The following TMEM41B variants were observed in gnomAD, a reference collection of about 807,000 sequenced individuals.
The protein encoded by TMEM41B is protein stasimon.
Under a neutral mutation model 31.9 loss-of-function variants are expected in TMEM41B, and 18 were observed. The ratio of observed to expected loss-of-function variants is 0.56; its 90% CI spans 0.39 to 0.84. The LOEUF is 0.84. Among genes scored for constraint, TMEM41B ranks in the 40% least tolerant of loss-of-function variants. The pLI, the probability that TMEM41B is intolerant of heterozygous loss-of-function variation, is 0.00. For synonymous variants in TMEM41B, 144 were observed against 124.3 expected (o/e 1.16, Z -1.05); for missense variants, 322 against 348.0 (o/e 0.93, Z 0.59).
intron 1 of TMEM41B, among the ~76,000 whole-genome samples, chr11:9,305,502 A>T (rs538738871): frequency 2.0e-5 from 3 of 152,296 alleles, no homozygotes; most frequent in African/African-American, 7.2e-5. Flanking sequence ...GGGGAGGCTA[A>T]GGCACAAGAA....
At chr11:9,313,155 A>G (rs766968462) in intron 1 of TMEM41B, among the ~76,000 whole-genome samples, 5 of 152,186 alleles carry the variant, frequency 3.3e-5, no homozygotes, top group Non-Finnish European at 5.9e-5. Flanking sequence ...TCTTCAAAAC[A>G]ATCTTTCTTT....
At position 9,286,600 on chromosome 11, in the gene TMEM41B, TAAGA is replaced by T. The variant is rs769708549; in HGVS notation, c.568-11_568-8del. On this transcript the variant is annotated splice_polypyrimidine_tract_variant and splice_region_variant and intron_variant, in intron 5 of 6. Transcript: ENST00000528080. Reference sequence around the variant, plus strand: ...GTTCTCTATGACGTTCAACCTGTCATAAGAAAGAAAAGAATTAGCATCAGATGAG... The same window carrying T: ...GTTCTCTATGACGTTCAACCTGTCATAAGAAAAGAATTAGCATCAGATGAG... 1.1e-5 allele frequency: 18 copies of T among 1,587,708 alleles called. No homozygotes were observed. The highest frequency in any genetic ancestry group is 4.5e-5 in the East Asian group (2 of 44,606).
At position 9,303,114 on chromosome 11, in the gene TMEM41B, T is replaced by G. The variant is rs1320630460; in HGVS notation, c.122-3413A>C. On this transcript the variant is annotated intron_variant, in intron 1 of 6. Transcript: ENST00000528080. ...TCACTGCAACCTCCACCTCCCAGGT[T>G]CAAGCAATTCTCCTGCCTCAGCCTC... is the stretch of plus-strand genomic sequence containing the variant. 1.3e-5 allele frequency among the ~76,000 whole-genome samples: 2 copies of G among 148,414 alleles called. 1 individual carries two copies. The highest frequency in any genetic ancestry group is 3.0e-5 in the Non-Finnish European group (2 of 67,244).
rs140684830 is a variant in TMEM41B at position 9,298,963 on chromosome 11, C to T, written c.239+621G>A. ...GGGTGGTATTACTAGGGTTTAATAG[C>T]TCTGGGATATTTTGCCCTTCTAAAA... On this transcript the variant is annotated intron_variant, in intron 2 of 6. Coordinates refer to ENST00000528080, the MANE Select transcript of TMEM41B (RefSeq NM_015012.4). Among the ~76,000 whole-genome samples, 520 of 151,886 alleles carry T rather than the reference C, an allele frequency of 3.4e-3. 1 individual carries two copies. The highest frequency in any genetic ancestry group is 7.3e-3 in the South Asian group (35 of 4,814).
At chr11:9,314,177 TC>T (rs1362516796) in intron 1 of TMEM41B, 143 bp downstream of exon 1, 4 of 1,093,334 alleles carry the variant, frequency 3.7e-6, no homozygotes, top group Non-Finnish European at 5.0e-6. Flanking sequence ...CAAGCCCAAC[TC>T]CCCCACGGTC....
At chr11:9,288,364 A>C in intron 4 of TMEM41B, 78 bp downstream of exon 4, 1 of 965,376 alleles carries the variant, frequency 1.0e-6, no homozygotes, top group Non-Finnish European at 1.5e-6. Context: ...TACATAGACT[A>C]GTAGGGTTAA....
intron 2 of TMEM41B, among the ~76,000 whole-genome samples, chr11:9,297,932 G>T (rs1412300591): frequency 1.3e-5 from 2 of 151,668 alleles, no homozygotes; most frequent in Non-Finnish European, 2.9e-5. Flanking sequence ...GAGCATAGTG[G>T]TGCATGCCTG....
At chr11:9,313,667 T>C (rs1853616741) in intron 1 of TMEM41B, among the ~76,000 whole-genome samples, 1 of 152,232 alleles carries the variant, frequency 6.6e-6, no homozygotes, top group South Asian at 2.1e-4. Context: ...TGTAACTAAG[T>C]AATTGCTAAT....
At chr11:9,296,853 A>G (rs1853102554) in intron 2 of TMEM41B, among the ~76,000 whole-genome samples, 1 of 152,176 alleles carries the variant, frequency 6.6e-6, no homozygotes, top group South Asian at 2.1e-4. Context: ...GAACTGAATG[A>G]TTTCTTGCTT....
chr11:9,299,110 G>A (rs935882744), intron 2 of TMEM41B, among the ~76,000 whole-genome samples: 9 of 151,026 alleles, frequency 6.0e-5, no homozygotes, highest in East Asian at 3.9e-4. Context: ...GTGAAACCCC[G>A]TCTCTACTAA....
chr11:9,313,226 A>G (rs1389062641), intron 1 of TMEM41B, among the ~76,000 whole-genome samples: 2 of 152,234 alleles, frequency 1.3e-5, no homozygotes, highest in East Asian at 1.9e-4. Flanking sequence ...AATTATATGA[A>G]GTCACCTGGA....
Position 9,283,606 on chromosome 11 carries a change from AT to A in TMEM41B, c.707-14del. Reference sequence around the variant, plus strand: ...GGAGGTGCGACACCTGAAATAAAATATAAAAAGATACAGTAAAAACCACCGC... The same window carrying A: ...GGAGGTGCGACACCTGAAATAAAATAAAAAAGATACAGTAAAAACCACCGC... On this transcript the variant is annotated splice_polypyrimidine_tract_variant and intron_variant, in intron 6 of 6. Coordinates refer to ENST00000528080, the MANE Select transcript of TMEM41B (RefSeq NM_015012.4). 1 of 1,594,050 alleles carries A rather than the reference AT, an allele frequency of 6.3e-7. No individual in the cohort carries two copies. Among genetic ancestry groups the A allele is most frequent in the Non-Finnish European group, 8.5e-7 (1 of 1,174,206 alleles).
At chr11:9,286,956 C>A (rs1244954118) in intron 5 of TMEM41B, among the ~76,000 whole-genome samples, 3 of 150,784 alleles carry the variant, frequency 2.0e-5, no homozygotes, top group Non-Finnish European at 1.5e-5. Flanking sequence ...GCCAAGATCA[C>A]GCCACTGCAC....
chr11:9,286,616 T>A, intron 5 of TMEM41B, 23 bp from the exon 6 acceptor site: 1 of 1,580,386 alleles, frequency 6.3e-7, no homozygotes, highest in Non-Finnish European at 8.6e-7. Flanking sequence ...AGAAAAGAAT[T>A]AGCATCAGAT....
At chr11:9,310,655 CTTTT>C (rs36061977) in intron 1 of TMEM41B, among the ~76,000 whole-genome samples, 25 of 109,146 alleles carry the variant, frequency 2.3e-4, no homozygotes, top group African/African-American at 4.4e-4. Context: ...GTTAAGAGCC[CTTTT>C]TTTTTTTTTT....
At chr11:9,296,492 G>A (rs1390300438) in intron 2 of TMEM41B, among the ~76,000 whole-genome samples, 1 of 151,426 alleles carries the variant, frequency 6.6e-6, no homozygotes, top group Non-Finnish European at 1.5e-5. Context: ...TGGGCATGGT[G>A]GTGCATGCCT....
intron 1 of TMEM41B, chr11:9,311,741 T>A: frequency 1.5e-6 from 1 of 673,148 alleles, no homozygotes; most frequent in South Asian, 1.7e-5. Context: ...TGATGCATTC[T>A]CAAGAGCTTC....
intron 3 of TMEM41B, among the ~76,000 whole-genome samples, chr11:9,289,578 T>G (rs922713247): frequency 6.6e-6 from 1 of 152,138 alleles, no homozygotes; most frequent in African/African-American, 2.4e-5. Context: ...TACTCAGTTG[T>G]CTATAACTTA....
chr11:9,306,678 T>C (rs1400586691), intron 1 of TMEM41B, among the ~76,000 whole-genome samples: 2 of 148,388 alleles, frequency 1.3e-5, no homozygotes, highest in Non-Finnish European at 3.0e-5. Context: ...AGAGCGAGAC[T>C]CCGTCTCAAA....
Sources: allele counts gnomAD v4.1 joint callset (sites outside exome capture counted in the v4.1 genomes callset), GRCh38; gene constraint gnomAD v4.1.1; transcripts MANE v1.5; gene names NCBI Gene and HGNC (gene_info 2026-07-23, HGNC 2026-07-21).